TM7SF3: variants seen among roughly 807,000 people sequenced by gnomAD.
The protein encoded by TM7SF3 is transmembrane 7 superfamily member 3.
TM7SF3 carries 60 observed loss-of-function variants against 65.5 expected under a neutral mutation model. That is an observed-to-expected ratio of 0.92 (90% CI 0.74 to 1.14). The LOEUF (loss-of-function observed/expected upper bound fraction) is 1.14. Among genes scored for constraint, TM7SF3 ranks in the 50% most tolerant of loss-of-function variants. The pLI, the probability that TM7SF3 is intolerant of heterozygous loss-of-function variation, is 0.00. For missense variants in TM7SF3, 623 were observed against 684.8 expected (o/e 0.91, Z 1.01); for synonymous variants, 264 against 259.6 (o/e 1.02, Z -0.16).
intron 6 of TM7SF3, among the ~76,000 whole-genome samples, chr12:26,989,014 ATTT>A (rs1940225273): frequency 6.6e-6 from 1 of 152,214 alleles, no homozygotes; most frequent in Non-Finnish European, 1.5e-5. Context: ...TCTCTAGCTC[ATTT>A]TATTGTAAGA....
Position 26,994,307 on chromosome 12 carries a change from G to T in TM7SF3, c.690+930C>A, listed in dbSNP as rs112718303. ...TATATTGCTGTTAGGCACTTTTCAA[G>T]ACATAAAGATAAAATCCTGCCCTCC... On this transcript the variant is annotated intron_variant, in intron 5 of 11. Coordinates refer to ENST00000343028, the MANE Select transcript of TM7SF3 (RefSeq NM_016551.3). 1.9e-3 allele frequency among the ~76,000 whole-genome samples: 284 copies of T among 152,216 alleles called. 1 individual carries two copies. Among genetic ancestry groups the T allele is most frequent in the African/African-American group, 6.4e-3 (266 of 41,542 alleles).
At chr12:26,991,177 G>T (rs960062138) in intron 5 of TM7SF3, among the ~76,000 whole-genome samples, 1 of 126,758 alleles carries the variant, frequency 7.9e-6, no homozygotes, top group South Asian at 2.4e-4. Context: ...ACGGAGTCTC[G>T]CTCTGTCGCC....
intron 11 of TM7SF3, 46 bp downstream of exon 11, chr12:26,975,450 A>T (rs769453125): frequency 4.4e-6 from 7 of 1,606,670 alleles, no homozygotes; most frequent in Non-Finnish European, 6.0e-6. Context: ...GTGGGTCAAG[A>T]CTCCTACTGT....
intron 1 of TM7SF3, among the ~76,000 whole-genome samples, chr12:27,006,545 T>C (rs112072440): frequency 0.012 from 1,772 of 152,300 alleles, 42 homozygotes; most frequent in African/African-American, 0.04. Context: ...TCCCTTAAAA[T>C]GGTAATATTT....
At chr12:27,009,156 C>CAAAT in intron 1 of TM7SF3, among the ~76,000 whole-genome samples, 1 of 152,274 alleles carries the variant, frequency 6.6e-6, no homozygotes, top group African/African-American at 2.4e-5. Flanking sequence ...AATCCTAACA[C>CAAAT]AAATATTACA....
intron 1 of TM7SF3, among the ~76,000 whole-genome samples, chr12:27,004,494 G>A (rs951581332): frequency 3.3e-5 from 5 of 152,102 alleles, no homozygotes; most frequent in African/African-American, 9.7e-5. Context: ...GAGTCAGTGG[G>A]CGGTAAAACA....
At chr12:26,998,228 GA>G (rs1002646601) in intron 3 of TM7SF3, among the ~76,000 whole-genome samples, 4 of 152,220 alleles carry the variant, frequency 2.6e-5, no homozygotes, top group Middle Eastern at 3.4e-3. Context: ...TTATCCACCA[GA>G]AACAGTGCCT....
intron 6 of TM7SF3, 149 bp from the exon 7 acceptor site, chr12:26,983,008 T>C (rs1300309283): frequency 1.7e-6 from 1 of 578,026 alleles, no homozygotes. Flanking sequence ...TAAAATACTC[T>C]TGCCACCCCT....
In TM7SF3 at chr12:26,998,888, C is replaced by T. The variant is rs538635007; in HGVS notation, c.397+638G>A. ...AGGCCCTCCACACTCCAGCTGCAGC[C>T]ACACTCACAACGTGCCATTCTCCAA... On this transcript the variant is annotated intron_variant, in intron 3 of 11. Coordinates refer to ENST00000343028, the MANE Select transcript of TM7SF3 (RefSeq NM_016551.3). Among the ~76,000 whole-genome samples, 19 of 152,286 alleles carry T rather than the reference C, an allele frequency of 1.2e-4. No individual in the cohort carries two copies. In the South Asian group the frequency reaches 2.1e-3, roughly 17 times the overall value.
chr12:26,990,696 C>A, intron 5 of TM7SF3, 69 bp from the exon 6 acceptor site: 1 of 1,194,968 alleles, frequency 8.4e-7, no homozygotes, highest in South Asian at 1.4e-5. Flanking sequence ...ATAATCCCAC[C>A]TACGTGTAAT....
intron 5 of TM7SF3, 31 bp downstream of exon 5, chr12:26,995,206 C>T: frequency 6.3e-7 from 1 of 1,596,612 alleles, no homozygotes; most frequent in Non-Finnish European, 8.6e-7. Context: ...TGTCACAATC[C>T]AGCCACACAA....
chr12:26,997,881 A>C (rs1293427376), intron 3 of TM7SF3, among the ~76,000 whole-genome samples: 1 of 142,446 alleles, frequency 7.0e-6, no homozygotes, highest in African/African-American at 2.6e-5. Flanking sequence ...GCTGGAGTGA[A>C]GTGGCGCAAT....
chr12:26,987,387 C>T (rs1332793867), intron 6 of TM7SF3, among the ~76,000 whole-genome samples: 3 of 152,144 alleles, frequency 2.0e-5, no homozygotes, highest in African/African-American at 7.2e-5. Flanking sequence ...TTGCTCAGGC[C>T]AAAAACTACA....
At chr12:26,980,153 G>A in intron 8 of TM7SF3, 1 of 596,202 alleles carries the variant, frequency 1.7e-6, no homozygotes, top group Non-Finnish European at 2.9e-6. Flanking sequence ...AACCTCACAG[G>A]GCCAGTGACA....
In TM7SF3 at chr12:27,005,554, G is replaced by A. The variant is rs146779820; in HGVS notation, c.92-2164C>T. Among the ~76,000 whole-genome samples the A allele has an allele frequency of 4.4e-3, 667 of 152,206 alleles. 7 individuals are homozygous for A. Among genetic ancestry groups the A allele is most frequent in the African/African-American group, 0.016 (644 of 41,542 alleles). On this transcript the variant is annotated intron_variant, in intron 1 of 11. Transcript: ENST00000343028. ...AGAACAGTATACAGAACCTTTAAAA[G>A]CCCTGGAAGAGACTGAAGCCATCAA...
chr12:27,010,247 T>C (rs984651250), intron 1 of TM7SF3, among the ~76,000 whole-genome samples: 118 of 152,238 alleles, frequency 7.8e-4, no homozygotes, highest in African/African-American at 2.7e-3. Flanking sequence ...TTAATTTCCA[T>C]TAGCTTTCCT....
chr12:27,006,716 G>T (rs1485051972), intron 1 of TM7SF3, among the ~76,000 whole-genome samples: 2 of 152,198 alleles, frequency 1.3e-5, no homozygotes, highest in African/African-American at 4.8e-5. Context: ...GATGGAAAAA[G>T]ATATAAATAT....
rs2136469308 is a variant in TM7SF3 at position 27,014,216 on chromosome 12, G to T, written c.-48C>A. The T allele has an allele frequency of 1.3e-6, 2 of 1,528,186 alleles. No homozygotes were observed. Among genetic ancestry groups the T allele is most frequent in the Non-Finnish European group, 1.8e-6 (2 of 1,132,122 alleles). 94.7% of individuals were successfully genotyped at this position (1,528,186 alleles called of 1,614,324 possible). The stretch of plus-strand genomic sequence containing the variant: ...CCACGCCAGGGCTGGGGAGAGGTGC[G>T]GGCGTGCGCGCCGGGGCCCCGCAGC... On this transcript the variant is annotated 5_prime_UTR_variant, in exon 1 of 12. Transcript: ENST00000343028.
At position 26,995,367 on chromosome 12, in the gene TM7SF3, T is replaced by C. The variant is rs997498740; in HGVS notation, c.560A>G (p.Asp187Gly). 2 of 1,614,066 alleles carry C rather than the reference T, an allele frequency of 1.2e-6. No individual in the cohort carries two copies. The highest frequency in any genetic ancestry group is 2.7e-5 in the African/African-American group (2 of 75,002). The change falls in exon 5 of 12, where the codon GAC becomes GGC. Residue 187 changes from aspartate to glycine, a missense_variant. Transcript: ENST00000343028. The part of the protein sequence containing the change: ...PPPCDAGTDQ[D>G]SRWRLQYDVY... ...ATCATACTGCAACCTCCACCTGGAG[T>C]CCTGGTCTGTCCCAGCGTCACATGG...
Sources: gnomAD v4.1 joint callset for allele counts (sites outside exome capture counted in the v4.1 genomes callset) on GRCh38, gnomAD v4.1.1 for gene constraint, MANE v1.5 for transcripts, NCBI Gene and HGNC (gene_info 2026-07-23, HGNC 2026-07-21) for gene names.